The following TOM1 variants were observed in gnomAD, a reference collection of about 807,000 sequenced individuals.
TOM1 encodes target of Myb protein 1.
TOM1 carries 38 observed loss-of-function variants against 61.3 expected under a neutral mutation model. That is an observed-to-expected ratio of 0.62 (90% confidence interval 0.48 to 0.81). The LOEUF is 0.81. TOM1 is among the 40% of genes least tolerant of loss of function. The pLI is 0.00. For missense variants in TOM1, 591 were observed against 659.6 expected (o/e 0.90, Z 1.14); for synonymous variants, 270 against 268.8 (o/e 1.00, Z -0.04).
At chr22:35,321,723 C>T in intron 2 of TOM1, 2 of 647,710 alleles carry the variant, frequency 3.1e-6, no homozygotes, top group South Asian at 1.5e-5. Flanking sequence ...TAACAAAACG[C>T]TCTCATCTTT....
intron 8 of TOM1, 37 bp from the exon 9 acceptor site, chr22:35,332,944 G>A (rs760153398): frequency 6.2e-7 from 1 of 1,612,996 alleles, no homozygotes; most frequent in Non-Finnish European, 8.5e-7. Context: ...GCCTGTCTCA[G>A]TCTGTCTCCA....
chr22:35,320,495 G>T (rs1424853905), intron 2 of TOM1, among the ~76,000 whole-genome samples: 1 of 152,012 alleles, frequency 6.6e-6, no homozygotes, highest in South Asian at 2.1e-4. Context: ...CCCACACTCA[G>T]TGTGGCCTCC....
In TOM1 at chr22:35,346,955, G is replaced by T; in HGVS notation, c.1310G>T (p.Gly437Val). 1 of 1,612,872 alleles carries T rather than the reference G, an allele frequency of 6.2e-7. No individual in the cohort carries two copies. Among genetic ancestry groups the T allele is most frequent in the Admixed American group, 1.7e-5 (1 of 59,944 alleles). The change falls in exon 14 of 15, where the codon GGG becomes GTG. Residue 437 changes from glycine to valine, a missense_variant. Gly to Val is a moderately radical substitution (Grantham distance 109). Transcript: ENST00000449058. ...DVGNDAEEPK[G>V]VTSEEFDKFL... ...GGTAATGATGCGGAAGAGCCTAAGG[G>T]GGTCACCAGCGAAGGTAGTAGTCCC... is the stretch of plus-strand genomic sequence containing the variant.
intron 8 of TOM1, among the ~76,000 whole-genome samples, chr22:35,332,682 A>G (rs535741501): frequency 6.6e-6 from 1 of 151,930 alleles, no homozygotes; most frequent in South Asian, 2.1e-4. Flanking sequence ...ATGCATTCCT[A>G]TTTTCTTTGC....
intron 1 of TOM1, among the ~76,000 whole-genome samples, chr22:35,304,580 G>A (rs566922364): frequency 6.6e-6 from 1 of 152,248 alleles, no homozygotes; most frequent in Non-Finnish European, 1.5e-5. Flanking sequence ...CCGGGTTCAC[G>A]CCATTCTCCT....
At chr22:35,318,489 G>A (rs749240422) in intron 2 of TOM1, among the ~76,000 whole-genome samples, 7 of 152,224 alleles carry the variant, frequency 4.6e-5, no homozygotes, top group Non-Finnish European at 7.3e-5. Flanking sequence ...TTCTGGTGTT[G>A]GGGTCACGGT....
At chr22:35,335,404 G>A (rs1221809660) in intron 11 of TOM1, among the ~76,000 whole-genome samples, 11 of 152,152 alleles carry the variant, frequency 7.2e-5, no homozygotes, top group African/African-American at 1.9e-4. Flanking sequence ...TGCCCTGGCT[G>A]TTAGCTGTAT....
At chr22:35,342,303 A>G (rs889594795) in intron 12 of TOM1, among the ~76,000 whole-genome samples, 2 of 152,066 alleles carry the variant, frequency 1.3e-5, no homozygotes, top group Non-Finnish European at 2.9e-5. Context: ...GCCCTGTGCC[A>G]TGTGCCAGGC....
chr22:35,324,692 G>T (rs1222243158), intron 6 of TOM1, among the ~76,000 whole-genome samples: 1 of 152,142 alleles, frequency 6.6e-6, no homozygotes, highest in African/African-American at 2.4e-5. Flanking sequence ...GGGACTACAG[G>T]CATGAGCCAC....
At chr22:35,301,043 C>A (rs1406941562) in intron 1 of TOM1, among the ~76,000 whole-genome samples, 1 of 109,866 alleles carries the variant, frequency 9.1e-6, no homozygotes, top group Non-Finnish European at 2.0e-5. Flanking sequence ...GAGACCCCGT[C>A]TCTACAAAAA....
chr22:35,347,030 C>A, intron 14 of TOM1, 25 bp from the exon 15 acceptor site: 1 of 1,556,340 alleles, frequency 6.4e-7, no homozygotes, highest in Non-Finnish European at 8.7e-7. Flanking sequence ...TCAGGGCCTA[C>A]CCTCACCCTC....
intron 3 of TOM1, chr22:35,322,238 C>T: frequency 1.7e-6 from 1 of 578,782 alleles, no homozygotes; most frequent in Non-Finnish European, 3.1e-6. Context: ...TCCCCAATCC[C>T]CCAGCATGGG....
Position 35,318,265 on chromosome 22 carries a change from C to A in TOM1, c.137+304C>A, listed in dbSNP as rs145084012. 2.3e-5 allele frequency: 11 copies of A among 471,020 alleles called. No individual in the cohort carries two copies. In the East Asian group the frequency reaches 3.7e-4, roughly 16 times the overall value. The allele number at this position is 471,020 out of a possible 1,614,324, so 29.2% of individuals were successfully genotyped here. Reference sequence around the variant, plus strand: ...CAGCATCTGCCTAGGATGAGGCAAGCTGGAGACTCTTAATCAGAAGTTGAC... The same window carrying A: ...CAGCATCTGCCTAGGATGAGGCAAGATGGAGACTCTTAATCAGAAGTTGAC... On this transcript the variant is annotated intron_variant, in intron 2 of 14. Coordinates refer to ENST00000449058, the MANE Select transcript of TOM1 (RefSeq NM_005488.3).
At chr22:35,329,984 A>C (rs576520406) in intron 7 of TOM1, among the ~76,000 whole-genome samples, 1 of 152,302 alleles carries the variant, frequency 6.6e-6, no homozygotes, top group South Asian at 2.1e-4. Context: ...CGTGCATTAG[A>C]GATGGCCTCA....
At chr22:35,321,102 C>G (rs1328523067) in intron 2 of TOM1, among the ~76,000 whole-genome samples, 1 of 151,546 alleles carries the variant, frequency 6.6e-6, no homozygotes, top group South Asian at 2.1e-4. Context: ...GTAATCACAA[C>G]ATATTGGGAG....
chr22:35,331,394 G>A (rs1322964724), intron 8 of TOM1: 6 of 446,274 alleles, frequency 1.3e-5, no homozygotes, highest in Non-Finnish European at 2.7e-5. Context: ...TTACAGGCAT[G>A]AGCCACCACA....
At chr22:35,334,271 G>A in intron 10 of TOM1, 57 bp from the exon 11 acceptor site, 1 of 1,569,724 alleles carries the variant, frequency 6.4e-7, no homozygotes. Context: ...TAGCTCAGCA[G>A]CAGCTCACAC....
intron 2 of TOM1, among the ~76,000 whole-genome samples, chr22:35,319,225 G>A (rs1175314394): frequency 6.6e-6 from 1 of 152,068 alleles, no homozygotes; most frequent in African/African-American, 2.4e-5. Flanking sequence ...GTATCCTTGG[G>A]GACAGCAAGC....
intron 11 of TOM1, among the ~76,000 whole-genome samples, chr22:35,335,951 C>T (rs1442615617): frequency 1.3e-5 from 2 of 152,116 alleles, no homozygotes; most frequent in Non-Finnish European, 2.9e-5. Context: ...CCCTGGCTCC[C>T]GCACAGCAGC....
Sources: allele counts gnomAD v4.1 joint callset (sites outside exome capture counted in the v4.1 genomes callset), GRCh38; gene constraint gnomAD v4.1.1; transcripts MANE v1.5; gene names NCBI Gene and HGNC (gene_info 2026-07-23, HGNC 2026-07-21).